Variants in SHPRH observed in about 807,000 individuals in gnomAD.
The protein encoded by SHPRH is E3 ubiquitin-protein ligase SHPRH.
Under a neutral mutation model 202.5 loss-of-function variants are expected in SHPRH, and 106 were observed. The observed-to-expected ratio is 0.52, with a 90% confidence interval of 0.45 to 0.62. The LOEUF (loss-of-function observed/expected upper bound fraction) is 0.62, where lower values mean the gene tolerates loss of function less well. SHPRH is among the 20% of genes least tolerant of loss of function. SHPRH has a pLI of 0.00. For synonymous variants in SHPRH, 729 were observed against 686.0 expected, an observed-to-expected ratio of 1.06 and a Z score of -0.98; for missense variants, 1,710 against 2,020.0, an observed-to-expected ratio of 0.85 and a Z score of 2.94.
chr6:145,874,209 AAATAAT>A (rs58669613), intron 2 of SHPRH, among the ~76,000 whole-genome samples: 48 of 147,904 alleles, frequency 3.2e-4, no homozygotes, highest in Admixed American at 1.8e-3. Context: ...AAAAATAATA[AAATAAT>A]AATAATAATA....
Position 145,935,112 on chromosome 6 carries a change from C to T in SHPRH, c.2785G>A (p.Val929Met). 6.2e-7 allele frequency: 1 copy of T among 1,613,408 alleles called. No homozygotes were observed. The highest frequency in any genetic ancestry group is 8.5e-7 in the Non-Finnish European group (1 of 1,179,950). ...EEIHWLHFSP[V>M]ERHFYHRQHE... ...TGACGGTGATAGAAATGCCTTTCCACTGGAGAAAAGTGGAGCCAGTGTATT... is the reference window on the plus strand; with the variant it reads ...TGACGGTGATAGAAATGCCTTTCCATTGGAGAAAAGTGGAGCCAGTGTATT... The change falls in exon 13 of 30, where the codon GTG (valine) becomes ATG (methionine). Residue 929 changes from valine (V) to methionine (M), a missense_variant. By Grantham distance (21) the Val-to-Met change is conservative. Transcript: ENST00000275233.
At chr6:145,881,091 G>A (rs1780545537), downstream of SHPRH, among the ~76,000 whole-genome samples, 1 of 152,154 alleles carries the variant, frequency 6.6e-6, no homozygotes, top group Admixed American at 6.5e-5. Context: ...ATTATAGTTG[G>A]AGTAAAACAA....
chr6:145,938,475 C>A (rs1452932321), intron 11 of SHPRH, among the ~76,000 whole-genome samples: 3 of 152,016 alleles, frequency 2.0e-5, no homozygotes, highest in African/African-American at 7.2e-5. Context: ...AAATCAAATA[C>A]ATAAATAATA....
intron 14 of SHPRH, 70 bp from the exon 15 acceptor site, chr6:145,927,347 C>A: frequency 1.5e-6 from 2 of 1,322,360 alleles, no homozygotes; most frequent in Non-Finnish European, 1.1e-6. Context: ...TCTAGTTGTC[C>A]ATTATTTAAG....
chr6:145,911,064 G>A (rs942188919), intron 24 of SHPRH, among the ~76,000 whole-genome samples: 3 of 152,036 alleles, frequency 2.0e-5, no homozygotes, highest in Non-Finnish European at 4.4e-5. Flanking sequence ...ATATGGGATA[G>A]TATCTCAAAT....
intron 1 of SHPRH, among the ~76,000 whole-genome samples, chr6:145,956,576 T>C (rs1239828373): frequency 1.3e-5 from 2 of 151,604 alleles, no homozygotes; most frequent in African/African-American, 4.8e-5. Flanking sequence ...AGAAGAAATA[T>C]GACATCAGAT....
chr6:145,922,746 T>G lies in SHPRH; in HGVS notation c.3636A>C (p.Lys1212Asn). The G allele has an allele frequency of 6.2e-7, 1 of 1,612,240 alleles. No individual in the cohort carries two copies. Among genetic ancestry groups the G allele is most frequent in the Non-Finnish European group, 8.5e-7 (1 of 1,178,868 alleles). The change falls in exon 19 of 30, where the codon AAA becomes AAC. Residue 1212 changes from lysine (K) to asparagine (N), a missense_variant. Physicochemically the swap from Lys to Asn is moderately conservative, Grantham distance 94. Around this residue, in one of 8 missense-constraint regions of SHPRH, gnomAD observed 288 missense variants for 317.8 expected, o/e 0.91. Coordinates refer to ENST00000275233, the MANE Select transcript of SHPRH (RefSeq NM_001042683.3). The part of the protein sequence containing the change: ...KCQKLVREAV[K>N]NLEGPPSRNV... ...TACGAGATGGAGGTCCCTCCAGGTT[T>G]TTTACAGCCTCTCTTACTAGCTTCT...
At chr6:145,882,192 C>T (rs1780627828), downstream of SHPRH, among the ~76,000 whole-genome samples, 1 of 152,066 alleles carries the variant, frequency 6.6e-6, no homozygotes, top group East Asian at 1.9e-4. Context: ...CTCCTGTATG[C>T]GTAAATAGTA....
intron 1 of SHPRH, among the ~76,000 whole-genome samples, chr6:145,961,341 A>C (rs1227308078): frequency 6.6e-6 from 1 of 152,148 alleles, no homozygotes; most frequent in Non-Finnish European, 1.5e-5. Flanking sequence ...TAGAATCCCT[A>C]AAAAATTCCA....
At chr6:145,884,398 GAACTC>G (rs1355236549), downstream of SHPRH, 1 of 152,096 alleles carries the variant, frequency 6.6e-6, no homozygotes, top group Non-Finnish European at 1.5e-5. Context: ...TAGTTCTAGT[GAACTC>G]ATCTGGAATC....
At chr6:145,959,571 CATT>C (rs1402233497) in intron 1 of SHPRH, among the ~76,000 whole-genome samples, 1 of 152,200 alleles carries the variant, frequency 6.6e-6, no homozygotes, top group Non-Finnish European at 1.5e-5. Flanking sequence ...ACAGCCCCAT[CATT>C]AAGTGATGCA....
intron 6 of SHPRH, among the ~76,000 whole-genome samples, chr6:145,946,602 T>C (rs1183293126): frequency 6.6e-6 from 1 of 152,002 alleles, no homozygotes; most frequent in Non-Finnish European, 1.5e-5. Context: ...TAAAGGTATA[T>C]TTAAATATAA....
chr6:145,950,147 C>T, intron 4 of SHPRH, 117 bp downstream of exon 4: 7 of 695,662 alleles, frequency 1.0e-5, no homozygotes, highest in South Asian at 2.7e-5. Context: ...TTTATGGCAC[C>T]CATTCTATCT....
chr6:145,924,104 GA>G (rs1784660462), intron 17 of SHPRH, among the ~76,000 whole-genome samples: 1 of 151,936 alleles, frequency 6.6e-6, no homozygotes, highest in South Asian at 2.1e-4. Flanking sequence ...CTATATGTGT[GA>G]AAAGGTCACA....
intron 23 of SHPRH, 46 bp from the exon 24 acceptor site, chr6:145,913,595 A>T (rs1783688096): frequency 1.3e-6 from 2 of 1,481,866 alleles, no homozygotes; most frequent in Non-Finnish European, 1.8e-6. Context: ...GTTTTTACAT[A>T]TAAAACCTGA....
downstream of SHPRH, chr6:145,883,342 G>A (rs919729666): frequency 6.6e-6 from 1 of 152,190 alleles, no homozygotes; most frequent in Non-Finnish European, 1.5e-5. Flanking sequence ...TCGAAGATGA[G>A]CTATACATGC....
chr6:145,954,125 G>A (rs1026538417), intron 2 of SHPRH, among the ~76,000 whole-genome samples: 2 of 149,856 alleles, frequency 1.3e-5, no homozygotes, highest in African/African-American at 4.8e-5. Flanking sequence ...GAATTACCAG[G>A]GAAGGGGAAG....
chr6:145,913,295 G>A (rs1220880463), intron 24 of SHPRH, among the ~76,000 whole-genome samples, 183 bp downstream of exon 24: 1 of 152,070 alleles, frequency 6.6e-6, no homozygotes, highest in Non-Finnish European at 1.5e-5. Flanking sequence ...TTTAAGAAAA[G>A]CATTGCTCAA....
intron 1 of SHPRH, among the ~76,000 whole-genome samples, chr6:145,962,883 G>A (rs1299094275): frequency 3.3e-5 from 5 of 152,154 alleles, no homozygotes; most frequent in African/African-American, 1.2e-4. Flanking sequence ...TTCTTCTACT[G>A]AATGCTAAAA....
Sources: allele counts gnomAD v4.1 joint callset (sites outside exome capture counted in the v4.1 genomes callset), GRCh38; gene constraint gnomAD v4.1.1; regional missense constraint gnomAD v4.1.1; transcripts MANE v1.5; gene names NCBI Gene and HGNC (gene_info 2026-07-23, HGNC 2026-07-21).